Variants in DNAH3 observed in about 807,000 individuals in gnomAD.
DNAH3 encodes axonemal beta dynein heavy chain 3.
DNAH3 carries 332 observed loss-of-function variants against 432.5 expected under a neutral mutation model. That is an observed-to-expected ratio of 0.77 (90% CI 0.70 to 0.84). The LOEUF is 0.84. Among genes scored for constraint, DNAH3 ranks in the 40% least tolerant of loss-of-function variants. DNAH3 has a pLI of 0.00. For synonymous variants in DNAH3, 1,956 were observed against 1,900.2 expected (o/e 1.03, Z -0.76); for missense variants, 4,861 against 5,114.0 (o/e 0.95, Z 1.51).
chr16:20,935,414 A>C, exon 61 of DNAH3: 1 of 1,613,666 alleles, frequency 6.2e-7, no homozygotes, highest in Non-Finnish European at 8.5e-7. Context: ...GAGAGACGCC[A>C]GTCAAAAAAG....
chr16:20,958,022 T>TCA (rs564101173), intron 54 of DNAH3, among the ~76,000 whole-genome samples: 64 of 151,232 alleles, frequency 4.2e-4, no homozygotes, highest in African/African-American at 1.5e-3. Flanking sequence ...AAATGTAGGA[T>TCA]AGAGGCAGGA....
In DNAH3 at chr16:20,959,423, G is replaced by GTCTTTCAA. The variant is rs749592171; in HGVS notation, c.10601-20_10601-19insTTGAAAGA. 4 of 1,605,402 alleles carry GTCTTTCAA rather than the reference G, an allele frequency of 2.5e-6. No individual in the cohort carries two copies. In the Admixed American group the frequency reaches 6.7e-5, roughly 27 times the overall value. ...AGCAGGCCTGAGACCAGGAAGAAAG[G>GTCTTTCAA]AGGCTTTTGAAAGACGACAGGCCAG... is the stretch of plus-strand genomic sequence containing the variant. On this transcript the variant is annotated intron_variant, in intron 53 of 61. Coordinates refer to ENST00000261383, the Ensembl canonical transcript of DNAH3.
At chr16:20,944,635 G>A in exon 58 of DNAH3, 1 of 1,614,040 alleles carries the variant, frequency 6.2e-7, no homozygotes, top group Non-Finnish European at 8.5e-7. Flanking sequence ...GGCTGTGATG[G>A]GGAGATTCCT....
intron 1 of DNAH3, among the ~76,000 whole-genome samples, chr16:21,146,355 A>G (rs1442054607): frequency 6.6e-6 from 1 of 152,164 alleles, no homozygotes; most frequent in Non-Finnish European, 1.5e-5. Context: ...CAGGAGTTCG[A>G]GACCAGCCTG....
intron 16 of DNAH3, among the ~76,000 whole-genome samples, chr16:21,099,867 T>C (rs1422998980): frequency 6.6e-6 from 1 of 152,234 alleles, no homozygotes; most frequent in African/African-American, 2.4e-5. Context: ...AATATGTTTC[T>C]TGTCTCCTTA....
At chr16:20,970,011 AAGG>A (rs1302061405) in intron 51 of DNAH3, 21 bp from the exon 52 acceptor site, 1 of 1,612,330 alleles carries the variant, frequency 6.2e-7, no homozygotes, top group Non-Finnish European at 8.5e-7. Context: ...CATGAGGACA[AAGG>A]AGATGAGTGC....
rs149790011 is a variant in DNAH3, at chr16:21,021,076, T to A, written c.5776+895A>T. ...CATGCATCAGAATTTATTTCCTTTT[T>A]AAGGCTAAATAGTATTTCATTGCAA... On this transcript the variant is annotated intron_variant, in intron 40 of 61. Coordinates refer to ENST00000261383, the Ensembl canonical transcript of DNAH3. Among the ~76,000 whole-genome samples, 742 of 152,350 alleles carry A rather than the reference T, an allele frequency of 4.9e-3. 8 individuals are homozygous for A. The highest frequency in any genetic ancestry group is 0.039 in the South Asian group (186 of 4,828).
chr16:21,007,269 G>A (rs1011474822), intron 41 of DNAH3, among the ~76,000 whole-genome samples: 1 of 150,398 alleles, frequency 6.6e-6, no homozygotes, highest in Non-Finnish European at 1.5e-5. Flanking sequence ...GAGTGCAGTG[G>A]TATGATCTTG....
exon 5 of DNAH3, chr16:21,140,690 G>A (rs146796522): frequency 7.4e-6 from 12 of 1,613,996 alleles, no homozygotes; most frequent in East Asian, 2.2e-5. Flanking sequence ...GAAGATTGAC[G>A]TCTTGAAGGC....
At chr16:21,157,746 C>T (rs2092908748) in intron 1 of DNAH3, among the ~76,000 whole-genome samples, 1 of 150,744 alleles carries the variant, frequency 6.6e-6, no homozygotes, top group Admixed American at 6.7e-5. Flanking sequence ...CAACAGCAGA[C>T]CAATGGTTGG....
At chr16:20,996,754 C>G (rs1279997756) in intron 44 of DNAH3, 1 of 152,774 alleles carries the variant, frequency 6.5e-6, no homozygotes, top group Non-Finnish European at 1.5e-5. Context: ...CCACTGCACC[C>G]ACTCAGTATG....
intron 44 of DNAH3, among the ~76,000 whole-genome samples, chr16:20,991,481 C>T (rs963158358): frequency 1.3e-5 from 2 of 152,166 alleles, no homozygotes; most frequent in African/African-American, 4.8e-5. Context: ...CCAGGCTGGT[C>T]TCAAACTCCT....
chr16:20,968,490 G>A (rs974526375), intron 52 of DNAH3, among the ~76,000 whole-genome samples: 5 of 152,206 alleles, frequency 3.3e-5, no homozygotes, highest in Non-Finnish European at 7.3e-5. Context: ...TCACTGTTCA[G>A]CTCTAAGGCA....
chr16:20,939,929 A>G (rs2083742073), intron 59 of DNAH3, among the ~76,000 whole-genome samples: 2 of 152,190 alleles, frequency 1.3e-5, no homozygotes, highest in Non-Finnish European at 2.9e-5. Context: ...TTGACTATTC[A>G]AAAATCAAAT....
At chr16:20,951,818 G>A (rs908085750) in intron 56 of DNAH3, among the ~76,000 whole-genome samples, 22 of 140,646 alleles carry the variant, frequency 1.6e-4, no homozygotes, top group African/African-American at 5.7e-4. Context: ...TCAGTTCACT[G>A]CAACCTCTGC....
chr16:20,969,321 C>T (rs1413968309), intron 52 of DNAH3, among the ~76,000 whole-genome samples: 2 of 151,950 alleles, frequency 1.3e-5, no homozygotes, highest in Admixed American at 6.6e-5. Flanking sequence ...TGCATGCATG[C>T]GTGTATAGGT....
intron 35 of DNAH3, among the ~76,000 whole-genome samples, chr16:21,035,098 G>A (rs570398758): frequency 6.6e-6 from 1 of 152,130 alleles, no homozygotes. Context: ...AGGTCAAGGT[G>A]GGGGGATCAT....
At chr16:21,086,805 G>T in intron 19 of DNAH3, 44 bp downstream of exon 19, 1 of 1,562,418 alleles carries the variant, frequency 6.4e-7, no homozygotes, top group Non-Finnish European at 8.8e-7. Flanking sequence ...TCAGGGCCAG[G>T]CCTGGGCTGC....
chr16:21,031,603 A>T (rs76169228), intron 36 of DNAH3, among the ~76,000 whole-genome samples: 1 of 143,610 alleles, frequency 7.0e-6, no homozygotes, highest in Non-Finnish European at 1.6e-5. Flanking sequence ...CCGTCTCTCA[A>T]AAAAAAAAAA....
Sources: gnomAD v4.1 joint callset for allele counts (sites outside exome capture counted in the v4.1 genomes callset) on GRCh38, gnomAD v4.1.1 for gene constraint, MANE v1.5 for transcripts, NCBI Gene and HGNC (gene_info 2026-07-23, HGNC 2026-07-21) for gene names.